PRP4K: variants seen among roughly 807,000 people sequenced by gnomAD.
PRP4K encodes serine/threonine-protein kinase PRP4 homolog.
At chr6:4,060,656 G>A in the PRP4K span, 1 of 1,538,230 alleles carries the variant, frequency 6.5e-7, no homozygotes, top group Non-Finnish European at 8.8e-7. The surrounding 1 kb of genome is among the most constrained non-coding windows in gnomAD (Gnocchi z 4.7). Context: ...TAAATACAAA[G>A]ACTGAAGAAA....
chr6:4,037,721 T>C, the PRP4K span: 1 of 624,362 alleles, frequency 1.6e-6, no homozygotes, highest in Non-Finnish European at 2.6e-6. Context: ...TCTCTACACA[T>C]GGGTTTTCTT....
At chr6:4,050,371 T>A in the PRP4K span, 1 of 712,758 alleles carries the variant, frequency 1.4e-6, no homozygotes, top group Non-Finnish European at 2.2e-6. Context: ...TAGCCATATG[T>A]CATATGTACT....
chr6:4,052,664 TCCATTTTGCATTTTAACTC>T, the PRP4K span: 1 of 1,399,570 alleles, frequency 7.1e-7, no homozygotes, highest in South Asian at 1.4e-5. Flanking sequence ...TTTTTATATT[TCCATTTTGCATTTTAACTC>T]CTATTTTGTT....
chr6:4,052,622 G>T, the PRP4K span: 3 of 993,918 alleles, frequency 3.0e-6, no homozygotes, highest in Admixed American at 9.6e-5. Flanking sequence ...TTTTGCGCTT[G>T]ATTTTACTTT....
At chr6:4,045,263 C>T in the PRP4K span, among the ~76,000 whole-genome samples, 5 of 152,120 alleles carry the variant, frequency 3.3e-5, no homozygotes, top group East Asian at 9.6e-4. Flanking sequence ...TCTGTTCCCC[C>T]ACCCCCGAAC....
the PRP4K span, among the ~76,000 whole-genome samples, chr6:4,034,024 ATACT>A: frequency 6.6e-6 from 1 of 152,164 alleles, no homozygotes; most frequent in Non-Finnish European, 1.5e-5. Context: ...GAAGTGATGC[ATACT>A]TACTTATTAA....
the PRP4K span, chr6:4,021,430 C>T: frequency 1.3e-6 from 2 of 1,583,960 alleles, no homozygotes; most frequent in Non-Finnish European, 8.6e-7. Context: ...TTCAAGATGG[C>T]CGCCGCGGAG....
the PRP4K span, among the ~76,000 whole-genome samples, chr6:4,026,621 A>G: frequency 6.6e-6 from 1 of 152,148 alleles, no homozygotes; most frequent in Non-Finnish European, 1.5e-5. Context: ...TTCTATATAT[A>G]TAATTAACAC....
At chr6:4,031,733 G>A in the PRP4K span, 15 of 1,602,114 alleles carry the variant, frequency 9.4e-6, no homozygotes, top group Non-Finnish European at 1.2e-5. Flanking sequence ...ATAAACATAA[G>A]CATAAACATA....
chr6:4,043,789 T>A, the PRP4K span: 3 of 1,604,154 alleles, frequency 1.9e-6, no homozygotes, highest in Non-Finnish European at 1.7e-6. Context: ...TATGAAAGTA[T>A]TATCTTCTGT....
At chr6:4,056,830 CTA>C in the PRP4K span, 1 of 1,147,828 alleles carries the variant, frequency 8.7e-7, no homozygotes, top group Non-Finnish European at 1.2e-6. Context: ...AGTTCCTCCC[CTA>C]CACCTCCATT....
chr6:4,061,923 A>T, the PRP4K span: 2 of 152,628 alleles, frequency 1.3e-5, no homozygotes, highest in Non-Finnish European at 2.9e-5. Flanking sequence ...AGCCATTTTT[A>T]AAAGTTTTTG....
chr6:4,032,557 G>C, the PRP4K span: 6 of 1,613,492 alleles, frequency 3.7e-6, no homozygotes, highest in Non-Finnish European at 4.2e-6. Context: ...AGAAGACCTG[G>C]TCGTAGTCCT....
At chr6:4,049,134 G>C in the PRP4K span, 2 of 1,561,126 alleles carry the variant, frequency 1.3e-6, no homozygotes, top group Non-Finnish European at 1.8e-6. Flanking sequence ...ATTAACTTTA[G>C]AGTTCATTGT....
chr6:4,054,513 C>CA, the PRP4K span, among the ~76,000 whole-genome samples: 6 of 151,906 alleles, frequency 3.9e-5, no homozygotes, highest in Non-Finnish European at 7.4e-5. Flanking sequence ...ATTTTTACCT[C>CA]AGTTTTTTTT....
At chr6:4,053,786 C>A in the PRP4K span, among the ~76,000 whole-genome samples, 1 of 152,126 alleles carries the variant, frequency 6.6e-6, no homozygotes, top group African/African-American at 2.4e-5. Context: ...ATCAGTTCTC[C>A]TACAGTTGAT....
the PRP4K span, among the ~76,000 whole-genome samples, chr6:4,039,413 ATCTG>A: frequency 6.6e-6 from 1 of 152,098 alleles, no homozygotes; most frequent in Non-Finnish European, 1.5e-5. Context: ...CTTCCTTATA[ATCTG>A]TCTATCTTTG....
the PRP4K span, among the ~76,000 whole-genome samples, chr6:4,025,270 T>C: frequency 2.0e-5 from 3 of 152,214 alleles, no homozygotes; most frequent in African/African-American, 2.4e-5. Context: ...AGAGGGCCGT[T>C]AGGTTTCTTA....
chr6:4,028,566 T>C, the PRP4K span, among the ~76,000 whole-genome samples: 2 of 152,170 alleles, frequency 1.3e-5, no homozygotes, highest in African/African-American at 4.8e-5. Context: ...GAAAAATTAA[T>C]GATCCAGAGA....
Sources: allele counts gnomAD v4.1 joint callset (sites outside exome capture counted in the v4.1 genomes callset), GRCh38; gene constraint gnomAD v4.1.1; non-coding constraint Gnocchi (gnomAD v3.1); transcripts MANE v1.5; gene names NCBI Gene and HGNC (gene_info 2026-07-23, HGNC 2026-07-21).